EVI5: variants seen among roughly 807,000 people sequenced by gnomAD.
EVI5 encodes the protein ecotropic viral integration site 5, also known as ecotropic viral integration site 5 protein homolog.
In EVI5, 73 loss-of-function variants were observed where a neutral mutation model predicts 112.0. The observed-to-expected ratio is 0.65, with a 90% CI of 0.54 to 0.79. The LOEUF (loss-of-function observed/expected upper bound fraction) is 0.79, where lower values mean the gene tolerates loss of function less well. EVI5 is among the 30% of genes least tolerant of loss of function. The probability of loss-of-function intolerance (pLI) is 0.00; values close to 1 mark genes in which losing one functional copy is unlikely to be tolerated. For missense variants in EVI5, 900 were observed against 968.8 expected (o/e 0.93, Z 0.94); for synonymous variants, 305 against 319.9 (o/e 0.95, Z 0.50).
chr1:92,606,710 C>A (rs1369956016), intron 17 of EVI5, among the ~76,000 whole-genome samples: 1 of 152,160 alleles, frequency 6.6e-6, no homozygotes, highest in Admixed American at 6.5e-5. Context: ...TACAGCTTTA[C>A]ATGTGCCATC....
intron 1 of EVI5, among the ~76,000 whole-genome samples, chr1:92,767,285 T>A (rs889532920): frequency 6.6e-6 from 1 of 152,164 alleles, no homozygotes; most frequent in Admixed American, 6.6e-5. Context: ...GTAATCCTTA[T>A]TTTACTTAAT....
chr1:92,535,679 T>C (rs1416941248), intron 19 of EVI5, among the ~76,000 whole-genome samples: 3 of 152,070 alleles, frequency 2.0e-5, no homozygotes. Flanking sequence ...AAACACTGCA[T>C]GTTCTCATTC....
At chr1:92,779,628 AGAG>A (rs1317735933) in intron 1 of EVI5, among the ~76,000 whole-genome samples, 5 of 152,186 alleles carry the variant, frequency 3.3e-5, no homozygotes, top group African/African-American at 1.2e-4. Context: ...GTGACTGAGT[AGAG>A]GAGGCTGAAC....
chr1:92,594,968 G>A (rs1000485604), intron 18 of EVI5, among the ~76,000 whole-genome samples: 8 of 152,198 alleles, frequency 5.3e-5, no homozygotes, highest in African/African-American at 1.9e-4. Flanking sequence ...CTGTTGGTGG[G>A]ACTGTAAACT....
intron 18 of EVI5, among the ~76,000 whole-genome samples, chr1:92,577,536 CG>C (rs1557825484): frequency 6.6e-6 from 1 of 152,140 alleles, no homozygotes; most frequent in African/African-American, 2.4e-5. Context: ...GAACCAAAGC[CG>C]GTTCCTAAGA....
chr1:92,723,988 C>G (rs377380674), intron 2 of EVI5, among the ~76,000 whole-genome samples: 2 of 152,198 alleles, frequency 1.3e-5, no homozygotes, highest in East Asian at 3.8e-4. Context: ...CTGTTAAATT[C>G]TAGTCAGACT....
chr1:92,733,093 A>G (rs539129174), intron 2 of EVI5: 204 of 221,304 alleles, frequency 9.2e-4, no homozygotes, highest in African/African-American at 4.6e-3. Context: ...ACAGCTAAGA[A>G]ATTAAGGTTG....
chr1:92,764,958 C>T (rs758822611), intron 1 of EVI5, among the ~76,000 whole-genome samples: 2 of 152,068 alleles, frequency 1.3e-5, no homozygotes, highest in Non-Finnish European at 2.9e-5. Context: ...ATTATACAAA[C>T]CCAGGACCTT....
chr1:92,676,712 T>A (rs564048285), intron 10 of EVI5, among the ~76,000 whole-genome samples: 18 of 152,316 alleles, frequency 1.2e-4, no homozygotes, highest in African/African-American at 4.3e-4. Flanking sequence ...TAACCCTTGC[T>A]TAGAGAAGAA....
At chr1:92,756,643 T>A (rs1680993802) in intron 1 of EVI5, 1 of 504,578 alleles carries the variant, frequency 2.0e-6, no homozygotes, top group South Asian at 1.5e-5. Context: ...CTCCCAGCCC[T>A]CACAGCCAGT....
intron 9 of EVI5, among the ~76,000 whole-genome samples, chr1:92,681,162 T>C (rs2102352983): frequency 6.6e-6 from 1 of 152,324 alleles, no homozygotes; most frequent in South Asian, 2.1e-4. Context: ...CAATTACTTT[T>C]GCACCAACCT....
Position 92,703,593 on chromosome 1 carries a change from A to T in EVI5, c.366T>A (p.His122Gln). Residue 122 changes from histidine (H) to glutamine (Q), a missense_variant, in exon 4 of 20, where the codon CAT (histidine) becomes CAA (glutamine). Physicochemically the swap from His to Gln is conservative, Grantham distance 24. Coordinates refer to ENST00000684568, the MANE Select transcript of EVI5 (RefSeq NM_001350197.2). Reference sequence around the variant, plus strand: ...GTTGCCAAACTATTGCTCTAAAGTGATGGGGTATCCCTTTATGAACAAGTT... The same window carrying T: ...GTTGCCAAACTATTGCTCTAAAGTGTTGGGGTATCCCTTTATGAACAAGTT... ...VKELVHKGIP[H>Q]HFRAIVWQLL... 1 of 1,590,450 alleles carries T rather than the reference A, an allele frequency of 6.3e-7. No individual in the cohort carries two copies. The highest frequency in any genetic ancestry group is 2.3e-5 in the East Asian group (1 of 44,374).
chr1:92,783,163 A>G (rs1685082743), intron 1 of EVI5, among the ~76,000 whole-genome samples: 1 of 152,090 alleles, frequency 6.6e-6, no homozygotes, highest in Non-Finnish European at 1.5e-5. Context: ...CTATACTTCA[A>G]TAACTTAGTT....
intron 2 of EVI5, among the ~76,000 whole-genome samples, chr1:92,714,511 C>T (rs989644963): frequency 6.6e-5 from 10 of 152,180 alleles, no homozygotes; most frequent in African/African-American, 2.4e-4. Context: ...GCAATTTTTC[C>T]CCAGACTTAC....
chr1:92,656,643 C>A (rs1663041096), intron 13 of EVI5, among the ~76,000 whole-genome samples: 1 of 151,584 alleles, frequency 6.6e-6, no homozygotes, highest in African/African-American at 2.4e-5. Flanking sequence ...ATATACTGCT[C>A]AATTAACCAA....
intron 18 of EVI5, among the ~76,000 whole-genome samples, chr1:92,599,086 A>G (rs1209975770): frequency 2.6e-5 from 4 of 151,710 alleles, no homozygotes; most frequent in African/African-American, 7.3e-5. Flanking sequence ...CTATATATCT[A>G]TATGTAAGTA....
chr1:92,530,527 A>G (rs556277860), intron 19 of EVI5, among the ~76,000 whole-genome samples: 1 of 152,128 alleles, frequency 6.6e-6, no homozygotes, highest in African/African-American at 2.4e-5. Context: ...CAGACACCTC[A>G]TACAAGAGAG....
chr1:92,647,703 G>A, intron 13 of EVI5: 1 of 264,164 alleles, frequency 3.8e-6, no homozygotes. Flanking sequence ...AAGGGGGCAG[G>A]AAGGGTGCTT....
intron 14 of EVI5, among the ~76,000 whole-genome samples, chr1:92,628,522 G>A (rs977366975): frequency 2.0e-5 from 3 of 152,138 alleles, no homozygotes; most frequent in African/African-American, 7.2e-5. Flanking sequence ...GAGAGAAGAG[G>A]ATCCAGTTTC....
Sources: allele counts gnomAD v4.1 joint callset (sites outside exome capture counted in the v4.1 genomes callset), GRCh38; gene constraint gnomAD v4.1.1; transcripts MANE v1.5; gene names NCBI Gene and HGNC (gene_info 2026-07-23, HGNC 2026-07-21).